CFAP20: variants seen among roughly 807,000 people sequenced by gnomAD.
CFAP20 encodes the protein cilia- and flagella-associated protein 20.
CFAP20 carries 14 observed loss-of-function variants against 25.5 expected under a neutral mutation model. That is an observed-to-expected ratio of 0.55 (90% CI 0.36 to 0.86). The LOEUF (loss-of-function observed/expected upper bound fraction) is 0.86. Among genes scored for constraint, CFAP20 ranks in the 40% least tolerant of loss-of-function variants. The pLI, the probability that CFAP20 is intolerant of heterozygous loss-of-function variation, is 0.01. For synonymous variants in CFAP20, 75 were observed against 91.1 expected (o/e 0.82, Z 1.01); for missense variants, 181 against 248.0 (o/e 0.73, Z 1.81).
chr16:58,129,015 G>C lies in CFAP20; in HGVS notation c.84+17C>G. ...TGCAGCCCCTCCACCCCGCCCCGTC[G>C]CCGCCCCTAGCCCGACCTTTTTGTC... On this transcript the variant is annotated intron_variant, in intron 1 of 5. Transcript: ENST00000262498. The C allele has an allele frequency of 1.3e-6, 2 of 1,599,542 alleles. No individual in the cohort carries two copies. Among genetic ancestry groups the C allele is most frequent in the Non-Finnish European group, 1.7e-6 (2 of 1,171,732 alleles).
At chr16:58,119,454 G>T (rs561813481) in intron 1 of CFAP20, 1 of 152,176 alleles carries the variant, frequency 6.6e-6, no homozygotes, top group African/African-American at 2.4e-5. Flanking sequence ...CACATCCCCC[G>T]TGGACTATTA....
At position 58,113,889 on chromosome 16, in the gene CFAP20, A is replaced by G; in HGVS notation, c.*136T>C. The G allele has an allele frequency of 1.9e-6, 2 of 1,042,822 alleles. No individual in the cohort carries two copies. The highest frequency in any genetic ancestry group is 4.9e-5 in the East Asian group (2 of 41,132). The allele number at this position is 1,042,822 out of a possible 1,614,324, so 64.6% of individuals were successfully genotyped here. A position where few individuals can be genotyped will look rare whatever the true frequency, so the allele number is the denominator to read the frequency against. On this transcript the variant is annotated 3_prime_UTR_variant, in exon 6 of 6. Coordinates refer to ENST00000262498, the MANE Select transcript of CFAP20 (RefSeq NM_013242.3). Reference sequence around the variant, plus strand: ...GGCATGTTCACCGGTGTCCATGACAAGCAACACCAAGTATAAATAACAGAA... The same window carrying G: ...GGCATGTTCACCGGTGTCCATGACAGGCAACACCAAGTATAAATAACAGAA...
chr16:58,114,137 TGGAGAATGGACACACATCTGCA>T, intron 5 of CFAP20, 107 bp from the exon 6 acceptor site: 1 of 1,196,416 alleles, frequency 8.4e-7, no homozygotes, highest in Non-Finnish European at 1.2e-6. Flanking sequence ...ACAGTGACTG[TGGAGAATGGACACACATCTGCA>T]GCACACAGGC....
chr16:58,125,526 A>G (rs1960600322), intron 1 of CFAP20, among the ~76,000 whole-genome samples: 1 of 152,156 alleles, frequency 6.6e-6, no homozygotes, highest in Non-Finnish European at 1.5e-5. Context: ...CTCTACAAAA[A>G]TACAAAAATT....
At chr16:58,123,595 C>CAAAAAAAAAAAA (rs574037205) in intron 1 of CFAP20, among the ~76,000 whole-genome samples, 4 of 45,720 alleles carry the variant, frequency 8.7e-5, no homozygotes, top group Non-Finnish European at 1.7e-4. Context: ...GACTCTGTCT[C>CAAAAAAAAAAAA]AAAAAAAAAA....
intron 3 of CFAP20, 86 bp from the exon 4 acceptor site, chr16:58,115,543 C>T (rs1960446465): frequency 1.3e-6 from 2 of 1,494,504 alleles, no homozygotes; most frequent in Middle Eastern, 1.7e-4. Flanking sequence ...TGAATTCCCA[C>T]AGCTTGCTTT....
chr16:58,123,322 C>T (rs538223682), intron 1 of CFAP20, among the ~76,000 whole-genome samples: 12 of 138,936 alleles, frequency 8.6e-5, no homozygotes, highest in Non-Finnish European at 1.7e-4. Flanking sequence ...ATTGGCTGGG[C>T]GCAGTGGCTC....
intron 1 of CFAP20, among the ~76,000 whole-genome samples, chr16:58,127,609 C>T (rs557868578): frequency 1.3e-4 from 20 of 152,322 alleles, no homozygotes; most frequent in African/African-American, 4.3e-4. Flanking sequence ...TGAAAAAATA[C>T]ATGAAACTAA....
At chr16:58,124,265 C>T (rs1960578892) in intron 1 of CFAP20, among the ~76,000 whole-genome samples, 2 of 152,194 alleles carry the variant, frequency 1.3e-5, no homozygotes, top group South Asian at 4.1e-4. Context: ...ACAGTACTTC[C>T]TATTCCTAGA....
At chr16:58,116,810 C>T (rs1960463421) in intron 2 of CFAP20, 62 bp downstream of exon 2, 4 of 1,474,350 alleles carry the variant, frequency 2.7e-6, no homozygotes, top group Non-Finnish European at 3.8e-6. Flanking sequence ...TGCTATTAAC[C>T]TCTATGACGT....
chr16:58,114,581 G>A (rs1299254060), intron 5 of CFAP20, among the ~76,000 whole-genome samples: 1 of 152,016 alleles, frequency 6.6e-6, no homozygotes, highest in Non-Finnish European at 1.5e-5. Flanking sequence ...GTAGTAGGAA[G>A]TGCCTCATCC....
chr16:58,122,609 A>G (rs1426291746), intron 1 of CFAP20, among the ~76,000 whole-genome samples: 1 of 152,028 alleles, frequency 6.6e-6, no homozygotes, highest in East Asian at 1.9e-4. Flanking sequence ...AAACCAAAAA[A>G]CCATGTCTTC....
At position 58,125,776 on chromosome 16, in the gene CFAP20, A is replaced by G. The variant is rs1420722724; in HGVS notation, c.84+3256T>C. 3.3e-5 allele frequency among the ~76,000 whole-genome samples: 5 copies of G among 152,380 alleles called. No individual in the cohort carries two copies. In the East Asian group the frequency reaches 9.6e-4, roughly 29 times the overall value. ...TATCATCAAGTGTTAGGCACTGAAC[A>G]TCATTGTATATGCTATACTTTTACA... On this transcript the variant is annotated intron_variant, in intron 1 of 5. Coordinates refer to ENST00000262498, the MANE Select transcript of CFAP20 (RefSeq NM_013242.3).
At chr16:58,117,193 A>G (rs1186731425) in intron 1 of CFAP20, 3 of 519,332 alleles carry the variant, frequency 5.8e-6, no homozygotes, top group Non-Finnish European at 1.0e-5. Flanking sequence ...CATCAACTCA[A>G]TTTAGATTCA....
chr16:58,125,616 G>A (rs1288134829), intron 1 of CFAP20, among the ~76,000 whole-genome samples: 1 of 152,156 alleles, frequency 6.6e-6, no homozygotes, highest in Non-Finnish European at 1.5e-5. Context: ...CCCAGGAGAT[G>A]GAGACTGCAG....
chr16:58,119,508 C>T (rs1960504575), intron 1 of CFAP20, among the ~76,000 whole-genome samples: 1 of 152,174 alleles, frequency 6.6e-6, no homozygotes, highest in East Asian at 1.9e-4. Flanking sequence ...CCCACAGGGC[C>T]GCCAGCATGA....
chr16:58,128,437 T>C lies in CFAP20; in HGVS notation c.84+595A>G, dbSNP rs556534869. 5.6e-4 allele frequency among the ~76,000 whole-genome samples: 86 copies of C among 152,264 alleles called. No individual in the cohort carries two copies. The South Asian group carries it at 0.017, about 30-fold the overall frequency. On this transcript the variant is annotated intron_variant, in intron 1 of 5. Coordinates refer to ENST00000262498, the MANE Select transcript of CFAP20 (RefSeq NM_013242.3). Reference sequence around the variant, plus strand: ...CCAAGGGCCACTGAATTCTGACTTATTTGGGATCAGTGGGAGGAAGGGAGC... The same window carrying C: ...CCAAGGGCCACTGAATTCTGACTTACTTGGGATCAGTGGGAGGAAGGGAGC...
chr16:58,116,748 GCTCT>G, intron 2 of CFAP20, 120 bp downstream of exon 2: 2 of 807,768 alleles, frequency 2.5e-6, no homozygotes, highest in Non-Finnish European at 4.0e-6. Context: ...CCCATGGTAA[GCTCT>G]AAGTGGCAGA....
chr16:58,122,361 A>T (rs112160874), intron 1 of CFAP20, among the ~76,000 whole-genome samples: 7,182 of 152,242 alleles, frequency 0.047, 208 homozygotes, highest in South Asian at 0.16. Context: ...TGGGAGGATC[A>T]CCTGAGATCA....
Sources: allele counts gnomAD v4.1 joint callset (sites outside exome capture counted in the v4.1 genomes callset), GRCh38; gene constraint gnomAD v4.1.1; transcripts MANE v1.5; gene names NCBI Gene and HGNC (gene_info 2026-07-23, HGNC 2026-07-21).